The following ZFP62 variants were observed in gnomAD, a reference collection of about 807,000 sequenced individuals.
ZFP62 encodes the protein zinc finger protein 62 homolog.
ZFP62 carries 44 observed loss-of-function variants against 56.4 expected under a neutral mutation model. That is an observed-to-expected ratio of 0.78 (90% CI 0.61 to 1.00). The LOEUF is 1.00. Ranked by LOEUF, ZFP62 falls within the 50% of genes least tolerant of loss-of-function variation. ZFP62 has a pLI of 0.00. For synonymous variants in ZFP62, 421 were observed against 388.9 expected, an observed-to-expected ratio of 1.08 and a Z score of -0.97; for missense variants, 1,030 against 1,085.7, an observed-to-expected ratio of 0.95 and a Z score of 0.72.
downstream of ZFP62, among the ~76,000 whole-genome samples, chr5:180,844,768 A>C (rs570178363): frequency 6.6e-6 from 1 of 152,256 alleles, no homozygotes; most frequent in South Asian, 2.1e-4. Context: ...CCAAAAAATA[A>C]CTTTTCTCAT....
At chr5:180,852,645 T>C (rs1318115788) in intron 1 of ZFP62, among the ~76,000 whole-genome samples, 1 of 150,884 alleles carries the variant, frequency 6.6e-6, no homozygotes, top group East Asian at 1.9e-4. Flanking sequence ...GCTCTAAATA[T>C]AAAAAAGCTG....
At chr5:180,845,982 TTTC>T (rs1180423340), downstream of ZFP62, 3 of 513,484 alleles carry the variant, frequency 5.8e-6, no homozygotes, top group African/African-American at 4.1e-5. Flanking sequence ...TTTTCAGGCT[TTTC>T]TTTTCTCTTT....
chr5:180,854,398 G>C (rs1251241399), intron 1 of ZFP62, among the ~76,000 whole-genome samples: 1 of 152,234 alleles, frequency 6.6e-6, no homozygotes, highest in Non-Finnish European at 1.5e-5. Flanking sequence ...GCTTACAGCA[G>C]AATGTGAGTG....
At chr5:180,838,883 T>G in the ZFP62 span, among the ~76,000 whole-genome samples, 4 of 152,174 alleles carry the variant, frequency 2.6e-5, no homozygotes, top group Admixed American at 6.5e-5. Flanking sequence ...GTAGCAAAAA[T>G]TTAAAAGCAA....
the ZFP62 span, among the ~76,000 whole-genome samples, chr5:180,836,496 T>C: frequency 0.019 from 2,949 of 152,306 alleles, 83 homozygotes; most frequent in African/African-American, 0.067. Flanking sequence ...TAAGGACAAG[T>C]CTTTGCATTC....
chr5:180,848,761 G>A lies in ZFP62; in HGVS notation c.*31C>T. ...CATTCATAAGGTATTTCTTCCATTTGAGTTCGGAGAGACTTGGTAAGCTCT... is the reference window on the plus strand; with the variant it reads ...CATTCATAAGGTATTTCTTCCATTTAAGTTCGGAGAGACTTGGTAAGCTCT... On this transcript the variant is annotated 3_prime_UTR_variant, in exon 2 of 2. Transcript: ENST00000502412. The A allele has an allele frequency of 6.8e-7, 1 of 1,474,836 alleles. No homozygotes were observed. The highest frequency in any genetic ancestry group is 9.0e-7 in the Non-Finnish European group (1 of 1,110,770). 91.4% of individuals were successfully genotyped at this position (1,474,836 alleles called of 1,614,324 possible).
chr5:180,851,772 C>G (rs1436021921), intron 1 of ZFP62, among the ~76,000 whole-genome samples: 1 of 152,086 alleles, frequency 6.6e-6, no homozygotes, highest in Non-Finnish European at 1.5e-5. Context: ...TAGCATAGGG[C>G]AGGGTGAAAT....
chr5:180,848,776 T>G lies in ZFP62; in HGVS notation c.*16A>C, dbSNP rs1315192398. On this transcript the variant is annotated 3_prime_UTR_variant, in exon 2 of 2. Coordinates refer to ENST00000502412, the MANE Select transcript of ZFP62 (RefSeq NM_001172638.2). ...TCTTCCATTTGAGTTCGGAGAGACTTGGTAAGCTCTGCCTGCTACAGAGGC... is the reference window on the plus strand; with the variant it reads ...TCTTCCATTTGAGTTCGGAGAGACTGGGTAAGCTCTGCCTGCTACAGAGGC... 1.3e-6 allele frequency: 2 copies of G among 1,490,544 alleles called. No individual in the cohort carries two copies. Among genetic ancestry groups the G allele is most frequent in the East Asian group, 2.5e-5 (1 of 40,276 alleles). The allele number at this position is 1,490,544 out of a possible 1,614,324, so 92.3% of individuals were successfully genotyped here. A position where few individuals can be genotyped will look rare whatever the true frequency, so the allele number is the denominator to read the frequency against.
chr5:180,837,776 G>A, the ZFP62 span, among the ~76,000 whole-genome samples: 2 of 152,140 alleles, frequency 1.3e-5, no homozygotes, highest in African/African-American at 2.4e-5. Context: ...CCAGCATCCA[G>A]GCCCTCAAGA....
At chr5:180,851,706 C>T (rs1271648883) in intron 1 of ZFP62, among the ~76,000 whole-genome samples, 2 of 152,150 alleles carry the variant, frequency 1.3e-5, no homozygotes, top group East Asian at 1.9e-4. Flanking sequence ...TGTTAAAATG[C>T]TAGAACCCTG....
chr5:180,837,186 A>G, the ZFP62 span, among the ~76,000 whole-genome samples: 1 of 152,190 alleles, frequency 6.6e-6, no homozygotes, highest in African/African-American at 2.4e-5. Context: ...TGAGTGGCTG[A>G]GGGCCATGAA....
downstream of ZFP62, among the ~76,000 whole-genome samples, chr5:180,844,833 C>T (rs1240038063): frequency 1.3e-5 from 2 of 152,198 alleles, no homozygotes. Flanking sequence ...ATTTCCTTGA[C>T]TTCCAGGTAA....
intron 1 of ZFP62, among the ~76,000 whole-genome samples, chr5:180,858,039 G>A (rs1389418009): frequency 6.7e-6 from 1 of 149,798 alleles, no homozygotes; most frequent in Non-Finnish European, 1.5e-5. Flanking sequence ...GGTCACCTGA[G>A]GTCAGGAGTT....
chr5:180,854,671 T>C (rs1000217838), intron 1 of ZFP62, among the ~76,000 whole-genome samples: 5 of 152,242 alleles, frequency 3.3e-5, no homozygotes, highest in Non-Finnish European at 7.3e-5. Context: ...AGACATAATA[T>C]GCTTTTAGTA....
At position 180,850,023 on chromosome 5, in the gene ZFP62, C is replaced by T. The variant is rs200835830; in HGVS notation, c.1472G>A (p.Ser491Asn). Residue 491 changes from serine (S) to asparagine (N), a missense_variant, in exon 2 of 2, where the codon AGC becomes AAC. By Grantham distance (46) the Ser-to-Asn change is conservative. Coordinates refer to ENST00000502412, the MANE Select transcript of ZFP62 (RefSeq NM_001172638.2). ...VCGKAYISRS[S>N]LKNHKGIHLG... is the part of the protein sequence containing the mutation. The stretch of plus-strand genomic sequence containing the variant: ...GTGGATTCCTTTGTGATTTTTAAGG[C>T]TAGAGCGTGAGATATAGGCTTTCCC... 1 of 1,551,674 alleles carries T rather than the reference C, an allele frequency of 6.4e-7. No individual in the cohort carries two copies. Among genetic ancestry groups the T allele is most frequent in the Admixed American group, 2.0e-5 (1 of 51,008 alleles).
At chr5:180,833,176 C>G in the ZFP62 span, among the ~76,000 whole-genome samples, 1 of 152,090 alleles carries the variant, frequency 6.6e-6, no homozygotes, top group Non-Finnish European at 1.5e-5. Flanking sequence ...GAGTGGAGCC[C>G]TCATGAATGG....
chr5:180,829,793 C>T, the ZFP62 span, among the ~76,000 whole-genome samples: 1 of 152,256 alleles, frequency 6.6e-6, no homozygotes, highest in South Asian at 2.1e-4. Flanking sequence ...ACACTGAAAG[C>T]CCCGGCCATA....
downstream of ZFP62, chr5:180,845,968 T>A: frequency 1.7e-6 from 1 of 604,574 alleles, no homozygotes; most frequent in Non-Finnish European, 2.1e-6. Context: ...CCATACTCAC[T>A]GTTTTTTCAG....
chr5:180,858,041 T>C lies in ZFP62; in HGVS notation c.1+3178A>G, dbSNP rs560765842. Among the ~76,000 whole-genome samples the C allele has an allele frequency of 1.3e-3, 184 of 145,906 alleles. 1 individual carries two copies. The highest frequency in any genetic ancestry group is 1.3e-3 in the Non-Finnish European group (85 of 66,792). ...GCCGAGGCAGGTGGGTCACCTGAGG[T>C]CAGGAGTTTGAGACCAGCCTGGCCA... On this transcript the variant is annotated intron_variant, in intron 1 of 1. Transcript: ENST00000502412.
Sources: allele counts gnomAD v4.1 joint callset (sites outside exome capture counted in the v4.1 genomes callset), GRCh38; gene constraint gnomAD v4.1.1; transcripts MANE v1.5; gene names NCBI Gene and HGNC (gene_info 2026-07-23, HGNC 2026-07-21).